EPS8: variants seen among roughly 807,000 people sequenced by gnomAD.
EPS8 encodes the protein EGFR pathway substrate 8, signaling adaptor, also known as epidermal growth factor receptor kinase substrate 8.
EPS8 carries 42 observed loss-of-function variants against 103.8 expected under a neutral mutation model. The ratio of observed to expected loss-of-function variants is 0.40; its 90% CI spans 0.32 to 0.52. The LOEUF (loss-of-function observed/expected upper bound fraction) is 0.52, where lower values mean the gene tolerates loss of function less well. Ranked by LOEUF, EPS8 falls within the 20% of genes least tolerant of loss-of-function variation. The probability of loss-of-function intolerance (pLI) is 0.40; values close to 1 mark genes in which losing one functional copy is unlikely to be tolerated. For synonymous variants in EPS8, 344 were observed against 344.6 expected (o/e 1.00, Z 0.02); for missense variants, 969 against 1,005.1 (o/e 0.96, Z 0.49).
In EPS8 at chr12:15,666,536, C is replaced by A; in HGVS notation, c.517-14G>T. 1 of 1,596,598 alleles carries A rather than the reference C, an allele frequency of 6.3e-7. No homozygotes were observed. The highest frequency in any genetic ancestry group is 8.6e-7 in the Non-Finnish European group (1 of 1,164,446). ...AATTAGGTTTGCCTGCAAAGAGACA[C>A]AAGTTACCTGAAAGTTTATGGATTT... On this transcript the variant is annotated splice_polypyrimidine_tract_variant and intron_variant, in intron 6 of 20. Transcript: ENST00000281172.
intron 1 of EPS8, among the ~76,000 whole-genome samples, chr12:15,754,640 A>G (rs960445795): frequency 1.3e-5 from 2 of 152,238 alleles, no homozygotes; most frequent in African/African-American, 4.8e-5. Flanking sequence ...ATAATTGGAA[A>G]TTATTTTTCC....
chr12:15,623,674 G>A (rs1304200487), intron 19 of EPS8, among the ~76,000 whole-genome samples: 1 of 152,126 alleles, frequency 6.6e-6, no homozygotes, highest in African/African-American at 2.4e-5. Flanking sequence ...AAGGTCCCTT[G>A]AATATGTATT....
intron 1 of EPS8, among the ~76,000 whole-genome samples, chr12:15,756,218 G>A (rs954608494): frequency 1.3e-5 from 2 of 152,128 alleles, no homozygotes; most frequent in Non-Finnish European, 2.9e-5. Flanking sequence ...AAGAAATTAA[G>A]TATCATGAGT....
At chr12:15,703,097 C>T (rs1354830330) in intron 1 of EPS8, among the ~76,000 whole-genome samples, 1 of 152,142 alleles carries the variant, frequency 6.6e-6, no homozygotes, top group Non-Finnish European at 1.5e-5. Flanking sequence ...TGCAGTGAGC[C>T]AAGATCACGC....
rs1946994898 is a variant in EPS8 at position 15,757,224 on chromosome 12, G to C, written c.-22+31937C>G. Among the ~76,000 whole-genome samples, 1 of 152,126 alleles carries C rather than the reference G, an allele frequency of 6.6e-6. No homozygotes were observed. Among genetic ancestry groups the C allele is most frequent in the Admixed American group, 6.5e-5 (1 of 15,270 alleles). ...CCATTTTAAATACCCTCAAAACAGT[G>C]GTGTAGAGTGAAATGTTCTTGACAA... On this transcript the variant is annotated intron_variant, in intron 1 of 20. Transcript: ENST00000281172. The surrounding 1 kb of genome is among the most constrained non-coding windows in gnomAD (Gnocchi z 4.1).
In EPS8 at chr12:15,647,236, G is replaced by T. The variant is rs1445577381; in HGVS notation, c.1459C>A (p.Pro487Thr). Residue 487 changes from proline (P) to threonine (T), a missense_variant, in exon 15 of 21, where the codon CCA becomes ACA. Pro to Thr is a conservative substitution (Grantham distance 38, BLOSUM62 -1). Transcript: ENST00000281172. ...CTACTGAACGCATAGCCATCGGCTG[G>T]ATGATACTCTGATACACTGGAATGC... ...TEHSSVSEYH[P>T]ADGYAFSSNI... 1 of 1,613,548 alleles carries T rather than the reference G, an allele frequency of 6.2e-7. No individual in the cohort carries two copies. The highest frequency in any genetic ancestry group is 8.5e-7 in the Non-Finnish European group (1 of 1,179,624).
At position 15,690,072 on chromosome 12, in the gene EPS8, C is replaced by T. The variant is rs1946151363; in HGVS notation, c.-21-7100G>A. Among the ~76,000 whole-genome samples the T allele has an allele frequency of 6.6e-6, 1 of 152,094 alleles. No homozygotes were observed. The highest frequency in any genetic ancestry group is 2.4e-5 in the African/African-American group (1 of 41,422). Reference sequence around the variant, plus strand: ...TTTTAATATTTAACCACCCTGTCACCACATGATTACCTTCCTCTGCATCAC... The same window carrying T: ...TTTTAATATTTAACCACCCTGTCACTACATGATTACCTTCCTCTGCATCAC... On this transcript the variant is annotated intron_variant, in intron 1 of 20. Coordinates refer to ENST00000281172, the MANE Select transcript of EPS8 (RefSeq NM_004447.6). The surrounding 1 kb of genome is among the most constrained non-coding windows in gnomAD (Gnocchi z 4.7).
chr12:15,687,486 T>G (rs958047668), intron 1 of EPS8, among the ~76,000 whole-genome samples: 2 of 152,180 alleles, frequency 1.3e-5, no homozygotes, highest in Admixed American at 1.3e-4. Context: ...ACTTAGTTCC[T>G]CTTTCTTTAT....
Position 15,747,913 on chromosome 12 carries a change from G to A in EPS8, c.-22+41248C>T, listed in dbSNP as rs556463808. Among the ~76,000 whole-genome samples, 4 of 152,136 alleles carry A rather than the reference G, an allele frequency of 2.6e-5. No individual in the cohort carries two copies. Among genetic ancestry groups the A allele is most frequent in the Non-Finnish European group, 5.9e-5 (4 of 67,992 alleles). ...CAGGCACCTGTAGTCCCAGCTACTC[G>A]GGAGTCTGAGGCAGGAGAATCGCTT... On this transcript the variant is annotated intron_variant, in intron 1 of 20. Transcript: ENST00000281172. The surrounding 1 kb of genome is among the most constrained non-coding windows in gnomAD (Gnocchi z 4.4).
rs1947252699 is a variant in EPS8 at position 15,780,712 on chromosome 12, AT to A, written c.-22+8448del. 6.6e-6 allele frequency: 1 copy of A among 152,104 alleles called. No homozygotes were observed. The highest frequency in any genetic ancestry group is 1.5e-5 in the Non-Finnish European group (1 of 68,040). The allele number at this position is 152,104 out of a possible 1,614,324, so 9.4% of individuals were successfully genotyped here. A position where few individuals can be genotyped will look rare whatever the true frequency, so the allele number is the denominator to read the frequency against. ...CTAAAACGGGTGTCTGGCTGCCTCCATTCTCTGAGCCTTCTGACAACAAAAG... is the reference window on the plus strand; with the variant it reads ...CTAAAACGGGTGTCTGGCTGCCTCCATCTCTGAGCCTTCTGACAACAAAAG... On this transcript the variant is annotated intron_variant, in intron 1 of 20. Coordinates refer to ENST00000281172, the MANE Select transcript of EPS8 (RefSeq NM_004447.6). This position sits in a 1 kb window ranked among gnomAD's most constrained non-coding sequence, Gnocchi z 4.1.
At chr12:15,739,565 T>G (rs1436303574) in intron 1 of EPS8, among the ~76,000 whole-genome samples, 1 of 152,098 alleles carries the variant, frequency 6.6e-6, no homozygotes, top group Non-Finnish European at 1.5e-5. Flanking sequence ...ACCCTTCTTC[T>G]CCCGACCTTG....
chr12:15,737,781 C>CT (rs925876954), intron 1 of EPS8, among the ~76,000 whole-genome samples: 13 of 151,882 alleles, frequency 8.6e-5, no homozygotes, highest in Non-Finnish European at 1.3e-4. Context: ...ATCCTAGTGA[C>CT]TTTTTTTTAA....
chr12:15,682,297 T>C (rs887685039), intron 2 of EPS8, among the ~76,000 whole-genome samples: 2 of 152,188 alleles, frequency 1.3e-5, no homozygotes, highest in African/African-American at 4.8e-5. Flanking sequence ...TCTCTCAAAA[T>C]AGTAAACATT....
Position 15,648,095 on chromosome 12 carries a change from G to A in EPS8, c.1435-835C>T, listed in dbSNP as rs369383897. On this transcript the variant is annotated intron_variant, in intron 14 of 20. Coordinates refer to ENST00000281172, the MANE Select transcript of EPS8 (RefSeq NM_004447.6). ...AGATGGAGCTCAGGCAGTAATGCTC[G>A]CAGGCCTGCTGCTCACCTCCTGCAG... Among the ~76,000 whole-genome samples the A allele has an allele frequency of 2.2e-4, 34 of 152,326 alleles. 1 individual carries two copies. The South Asian group carries it at 5.6e-3, about 25-fold the overall frequency.
chr12:15,748,234 G>T lies in EPS8; in HGVS notation c.-22+40927C>A, dbSNP rs775257782. ...TGCATAAGATCACTGAGAAGCAAAT[G>T]ATATAATAATGTAAAATGTTTTGAA... is the stretch of plus-strand genomic sequence containing the variant. On this transcript the variant is annotated intron_variant, in intron 1 of 20. Transcript: ENST00000281172. The surrounding 1 kb of genome is among the most constrained non-coding windows in gnomAD (Gnocchi z 4.8). Among the ~76,000 whole-genome samples, 5 of 152,010 alleles carry T rather than the reference G, an allele frequency of 3.3e-5. No individual in the cohort carries two copies. Among genetic ancestry groups the T allele is most frequent in the Non-Finnish European group, 7.3e-5 (5 of 68,030 alleles).
chr12:15,774,123 ATAAC>A lies in EPS8; in HGVS notation c.-22+15034_-22+15037del, dbSNP rs1245504384. ...TACCTTTGAAAAAAATTCTTCAAAA[ATAAC>A]TAATTTTTAGCGTGTCATCAATTAA... On this transcript the variant is annotated intron_variant, in intron 1 of 20. Coordinates refer to ENST00000281172, the MANE Select transcript of EPS8 (RefSeq NM_004447.6). 1.3e-5 allele frequency among the ~76,000 whole-genome samples: 2 copies of A among 152,168 alleles called. 1 individual carries two copies. The highest frequency in any genetic ancestry group is 4.8e-5 in the African/African-American group (2 of 41,520).
In EPS8 at chr12:15,745,812, T is replaced by C. The variant is rs1946869950; in HGVS notation, c.-22+43349A>G. Reference sequence around the variant, plus strand: ...CTATTATATGTGGTTTCCCAGTACATGTAAGTTTAAAACAACAAAGGATGA... The same window carrying C: ...CTATTATATGTGGTTTCCCAGTACACGTAAGTTTAAAACAACAAAGGATGA... On this transcript the variant is annotated intron_variant, in intron 1 of 20. Transcript: ENST00000281172. The surrounding 1 kb of genome is among the most constrained non-coding windows in gnomAD (Gnocchi z 4.6). Among the ~76,000 whole-genome samples the C allele has an allele frequency of 2.6e-5, 4 of 152,334 alleles. No individual in the cohort carries two copies. Among genetic ancestry groups the C allele is most frequent in the Admixed American group, 2.6e-4 (4 of 15,298 alleles).
chr12:15,705,095 A>C (rs529491317), intron 1 of EPS8, among the ~76,000 whole-genome samples: 3 of 152,314 alleles, frequency 2.0e-5, no homozygotes, highest in African/African-American at 7.2e-5. Context: ...TTGAAGGAAA[A>C]AAAAGCTCGC....
At chr12:15,675,577 C>T (rs924469986) in intron 3 of EPS8, among the ~76,000 whole-genome samples, 1 of 152,190 alleles carries the variant, frequency 6.6e-6, no homozygotes, top group Non-Finnish European at 1.5e-5. Context: ...CCAGCCTGGG[C>T]AACAGAGCGA....
Sources: allele counts gnomAD v4.1 joint callset (sites outside exome capture counted in the v4.1 genomes callset), GRCh38; gene constraint gnomAD v4.1.1; non-coding constraint Gnocchi (gnomAD v3.1); transcripts MANE v1.5; gene names NCBI Gene and HGNC (gene_info 2026-07-23, HGNC 2026-07-21).